MACROD2: variants seen among roughly 807,000 people sequenced by gnomAD.
MACROD2 encodes mono-ADP ribosylhydrolase 2.
MACROD2 carries 36 observed loss-of-function variants against 70.4 expected under a neutral mutation model. That is an observed-to-expected ratio of 0.51 (90% CI 0.39 to 0.68). MACROD2 has a LOEUF of 0.68. MACROD2 is among the 30% of genes least tolerant of loss of function. MACROD2 has a pLI of 0.00. For missense variants in MACROD2, 496 were observed against 538.4 expected (o/e 0.92, Z 0.78); for synonymous variants, 172 against 178.8 (o/e 0.96, Z 0.30).
chr20:14,486,439 G>A (rs1004513169), intron 3 of MACROD2, among the ~76,000 whole-genome samples: 1 of 151,846 alleles, frequency 6.6e-6, no homozygotes. Flanking sequence ...AGCAGCCTTG[G>A]GCAGAGAACA....
At chr20:14,480,371 TA>T (rs1568631962) in intron 3 of MACROD2, among the ~76,000 whole-genome samples, 2 of 152,172 alleles carry the variant, frequency 1.3e-5, no homozygotes, top group Non-Finnish European at 2.9e-5. Flanking sequence ...GGATTAATAT[TA>T]AATACTTCTT....
At chr20:14,195,173 T>G (rs2148742612) in intron 3 of MACROD2, among the ~76,000 whole-genome samples, 1 of 152,112 alleles carries the variant, frequency 6.6e-6, no homozygotes, top group African/African-American at 2.4e-5. Context: ...TTTGGAGTAG[T>G]TGGGAAATGT....
At chr20:15,758,156 A>C (rs550747628) in intron 8 of MACROD2, among the ~76,000 whole-genome samples, 1 of 151,732 alleles carries the variant, frequency 6.6e-6, no homozygotes, top group African/African-American at 2.4e-5. Context: ...TTAATAATTT[A>C]TGTATAAATT....
chr20:14,055,120 C>A (rs2053616866), intron 2 of MACROD2, among the ~76,000 whole-genome samples: 1 of 152,064 alleles, frequency 6.6e-6, no homozygotes, highest in South Asian at 2.1e-4. Flanking sequence ...TTACAGTAGT[C>A]TTTGTTTTGT....
chr20:14,210,920 C>T (rs1325589953), intron 3 of MACROD2, among the ~76,000 whole-genome samples: 2 of 152,106 alleles, frequency 1.3e-5, no homozygotes, highest in Admixed American at 6.6e-5. Flanking sequence ...ACACCAAGTA[C>T]AGTGCGTCAT....
chr20:14,223,144 G>T (rs2081696447), intron 3 of MACROD2: 1 of 152,184 alleles, frequency 6.6e-6, no homozygotes, highest in African/African-American at 2.4e-5. Flanking sequence ...TCCCTTTTGG[G>T]TGTCCACACT....
intron 10 of MACROD2, among the ~76,000 whole-genome samples, chr20:15,887,309 A>G (rs749683937): frequency 2.0e-5 from 3 of 152,156 alleles, no homozygotes; most frequent in Non-Finnish European, 4.4e-5. Flanking sequence ...CTCCAGTCCA[A>G]ACATGTCTGA....
At chr20:14,153,768 C>T (rs1308297969) in intron 3 of MACROD2, among the ~76,000 whole-genome samples, 2 of 152,160 alleles carry the variant, frequency 1.3e-5, no homozygotes, top group Non-Finnish European at 2.9e-5. Flanking sequence ...ACATTCACCA[C>T]GCCATTTAAA....
intron 5 of MACROD2, among the ~76,000 whole-genome samples, chr20:15,202,332 C>T (rs1455012837): frequency 1.3e-5 from 2 of 152,180 alleles, no homozygotes; most frequent in East Asian, 1.9e-4. Flanking sequence ...TTCAATATCC[C>T]TTATATGAGA....
chr20:14,388,580 A>C (rs2083492475), intron 3 of MACROD2, among the ~76,000 whole-genome samples: 1 of 152,246 alleles, frequency 6.6e-6, no homozygotes, highest in Non-Finnish European at 1.5e-5. Context: ...TGAGGAAGAG[A>C]AAATACATTT....
At chr20:14,724,887 A>C (rs1253358923) in intron 5 of MACROD2, among the ~76,000 whole-genome samples, 1 of 152,172 alleles carries the variant, frequency 6.6e-6, no homozygotes, top group Non-Finnish European at 1.5e-5. Flanking sequence ...GTATTTTTTT[A>C]CATATTACTT....
At chr20:14,874,614 G>A (rs2073528043) in intron 5 of MACROD2, among the ~76,000 whole-genome samples, 1 of 151,716 alleles carries the variant, frequency 6.6e-6, no homozygotes, top group Non-Finnish European at 1.5e-5. Context: ...AATGACAGAA[G>A]TTCTGGCACA....
chr20:14,710,653 T>G (rs916256650), intron 5 of MACROD2, among the ~76,000 whole-genome samples: 1 of 152,270 alleles, frequency 6.6e-6, no homozygotes, highest in South Asian at 2.1e-4. Context: ...AAATGCAAGG[T>G]TTATTTAACA....
intron 3 of MACROD2, among the ~76,000 whole-genome samples, chr20:14,344,398 G>A (rs1333100036): frequency 6.6e-6 from 1 of 152,088 alleles, no homozygotes; most frequent in Admixed American, 6.5e-5. Context: ...GAAATTTTCT[G>A]TAAAATATAA....
chr20:14,778,459 C>G (rs1250265618), intron 5 of MACROD2, among the ~76,000 whole-genome samples: 1 of 152,052 alleles, frequency 6.6e-6, no homozygotes, highest in African/African-American at 2.4e-5. Flanking sequence ...CTTTTCCCCT[C>G]CCATCCAGTG....
Position 14,853,796 on chromosome 20 carries a change from A to G in MACROD2, c.418+168837A>G, listed in dbSNP as rs1175951346. 3.3e-5 allele frequency among the ~76,000 whole-genome samples: 5 copies of G among 152,086 alleles called. No homozygotes were observed. The East Asian group carries it at 7.7e-4, about 23-fold the overall frequency. On this transcript the variant is annotated intron_variant, in intron 5 of 17. Coordinates refer to ENST00000684519, the MANE Select transcript of MACROD2 (RefSeq NM_001351661.2). ...TTATTTGACATCTATAAGGAGAAAT[A>G]TACACAAACTTTTTTGTTTTGTTTT...
intron 3 of MACROD2, among the ~76,000 whole-genome samples, chr20:14,262,745 C>G (rs1187427954): frequency 6.6e-6 from 1 of 152,148 alleles, no homozygotes; most frequent in Non-Finnish European, 1.5e-5. Context: ...GCTCAATAAT[C>G]AACTGCACAG....
intron 3 of MACROD2, among the ~76,000 whole-genome samples, chr20:14,381,186 T>G (rs1427047173): frequency 1.3e-5 from 2 of 152,170 alleles, no homozygotes; most frequent in East Asian, 3.8e-4. Context: ...AAAAAAATCT[T>G]ACCTAATATG....
At chr20:15,244,304 C>G (rs1297868306) in intron 6 of MACROD2, among the ~76,000 whole-genome samples, 2 of 152,192 alleles carry the variant, frequency 1.3e-5, no homozygotes. Flanking sequence ...CTTAAGAAAT[C>G]TTGTCAGTGC....
Sources: allele counts gnomAD v4.1 joint callset (sites outside exome capture counted in the v4.1 genomes callset), GRCh38; gene constraint gnomAD v4.1.1; transcripts MANE v1.5; gene names NCBI Gene and HGNC (gene_info 2026-07-23, HGNC 2026-07-21).